Variants in KLHL13 observed in about 807,000 individuals in gnomAD.
KLHL13 encodes kelch like family member 13, also known as kelch-like protein 13.
Under a neutral mutation model 37.1 loss-of-function variants are expected in KLHL13, and 10 were observed. That is an observed-to-expected ratio of 0.27 (90% CI 0.17 to 0.46). The LOEUF is 0.46. KLHL13 is among the 20% of genes least tolerant of loss of function. The pLI, the probability that KLHL13 is intolerant of heterozygous loss-of-function variation, is 1.00. For synonymous variants in KLHL13, 163 were observed against 181.2 expected (o/e 0.90, Z 0.81); for missense variants, 360 against 509.3 (o/e 0.71, Z 2.82).
At chrX:117,916,851 A>T (rs950406753) in intron 4 of KLHL13, among the ~76,000 whole-genome samples, 2 of 112,196 alleles carry the variant, frequency 1.8e-5, no homozygotes, top group South Asian at 7.4e-4. Flanking sequence ...CCTCTAAAAC[A>T]TCTTATTTCA....
chrX:117,941,709 T>C (rs980909059), intron 2 of KLHL13, among the ~76,000 whole-genome samples: 2 of 111,558 alleles, frequency 1.8e-5, no homozygotes, highest in African/African-American at 6.5e-5. Context: ...ATTGTGTCTA[T>C]TTGATTCTTC....
chrX:117,954,765 T>TA (rs1933817739), intron 1 of KLHL13, among the ~76,000 whole-genome samples: 1 of 112,166 alleles, frequency 8.9e-6, no homozygotes, highest in South Asian at 3.7e-4. Flanking sequence ...GTTACAATCC[T>TA]CTGGTGAAGC....
intron 1 of KLHL13, among the ~76,000 whole-genome samples, chrX:117,966,213 C>T (rs1174437433): frequency 8.9e-6 from 1 of 112,116 alleles, no homozygotes; most frequent in Non-Finnish European, 1.9e-5. Context: ...TCAGCAAAGT[C>T]TCAGGATACA....
intron 1 of KLHL13, among the ~76,000 whole-genome samples, chrX:117,979,548 A>T (rs1322255629): frequency 3.6e-5 from 4 of 111,620 alleles, no homozygotes; most frequent in Non-Finnish European, 7.5e-5. Context: ...TGTTGAGTAA[A>T]TTGAAAGGGA....
intron 1 of KLHL13, among the ~76,000 whole-genome samples, chrX:118,037,686 TATACATATGTAACTAACCTGC>T (rs1355283369): frequency 9.0e-6 from 1 of 111,227 alleles, no homozygotes; most frequent in Non-Finnish European, 1.9e-5. Context: ...ATGGCACATG[TATACATATGTAACTAACCTGC>T]ACATTGTGCA....
At chrX:117,972,870 A>G in exon 1 of KLHL13, 1 of 1,200,118 alleles carries the variant, frequency 8.3e-7, no homozygotes, top group Non-Finnish European at 1.1e-6. Context: ...GAGCGTTTCC[A>G]TAACAGACTA....
intron 1 of KLHL13, among the ~76,000 whole-genome samples, chrX:118,022,373 T>A (rs1050233195): frequency 8.9e-6 from 1 of 111,898 alleles, no homozygotes; most frequent in African/African-American, 3.2e-5. Context: ...GATTACTGGG[T>A]CATATGGTAG....
intron 1 of KLHL13, among the ~76,000 whole-genome samples, chrX:117,950,484 A>G (rs1452364982): frequency 2.7e-5 from 3 of 111,974 alleles, no homozygotes; most frequent in African/African-American, 9.7e-5. Flanking sequence ...GGAAAAGAAA[A>G]AAAAGAAAGT....
At chrX:117,962,313 G>GTT (rs373524431) in intron 1 of KLHL13, among the ~76,000 whole-genome samples, 13 of 104,005 alleles carry the variant, frequency 1.2e-4, no homozygotes, top group South Asian at 4.2e-4. Flanking sequence ...AGAGGTTTGG[G>GTT]TTTTTTTTTT....
At chrX:117,963,271 T>C (rs1231921038) in intron 1 of KLHL13, among the ~76,000 whole-genome samples, 1 of 111,418 alleles carries the variant, frequency 9.0e-6, no homozygotes, top group South Asian at 3.8e-4. Context: ...GAAAAATATT[T>C]TAGTATAATT....
At chrX:117,931,978 C>T (rs112869148) in intron 2 of KLHL13, among the ~76,000 whole-genome samples, 11,385 of 110,719 alleles carry the variant, frequency 0.1, 594 homozygotes, top group African/African-American at 0.2. Context: ...AGACACTGAG[C>T]ACTTTCTCTA....
intron 1 of KLHL13, among the ~76,000 whole-genome samples, chrX:118,080,025 C>T (rs2428311): frequency 0.26 from 28,818 of 110,694 alleles, 6,245 homozygotes; most frequent in African/African-American, 0.73. Flanking sequence ...ATACAAGCAA[C>T]GGGATAAGGA....
At chrX:117,914,984 G>A (rs1486041669) in intron 4 of KLHL13, among the ~76,000 whole-genome samples, 1 of 111,622 alleles carries the variant, frequency 9.0e-6, no homozygotes, top group Non-Finnish European at 1.9e-5. Flanking sequence ...CAGAATGGAT[G>A]GCCGACCATA....
chrX:118,097,774 G>T (rs764000424), intron 1 of KLHL13, among the ~76,000 whole-genome samples: 2 of 111,092 alleles, frequency 1.8e-5, no homozygotes, highest in East Asian at 2.8e-4. Flanking sequence ...AAATAACGCC[G>T]CATATCTACA....
At chrX:118,050,484 C>G (rs2054602296) in intron 1 of KLHL13, among the ~76,000 whole-genome samples, 2 of 111,635 alleles carry the variant, frequency 1.8e-5, no homozygotes, top group Admixed American at 1.9e-4. Context: ...CATAATGTTA[C>G]AATTCTTACT....
chrX:118,000,296 T>G (rs2053904846), intron 1 of KLHL13, among the ~76,000 whole-genome samples: 1 of 112,184 alleles, frequency 8.9e-6, no homozygotes, highest in South Asian at 3.8e-4. Context: ...GGATTCAGGC[T>G]GCAACCTTCT....
In KLHL13 at chrX:118,094,803, G is replaced by A. The variant is rs1455070214; in HGVS notation, c.-56+21705C>T. On this transcript the variant is annotated intron_variant, in intron 1 of 6. Transcript: ENST00000371882. ...TCCAGCCAAACTAAGCTTCATAAGT[G>A]AAGGAGAAATAAAATACTTTACAGA... Among the ~76,000 whole-genome samples the A allele has an allele frequency of 7.2e-5, 8 of 111,064 alleles. No individual in the cohort carries two copies. In the Admixed American group the frequency reaches 7.7e-4, roughly 11 times the overall value.
intron 1 of KLHL13, among the ~76,000 whole-genome samples, chrX:118,031,506 T>C (rs967249439): frequency 6.0e-5 from 5 of 83,137 alleles, no homozygotes; most frequent in Non-Finnish European, 1.1e-4. Context: ...GATATATATA[T>C]ATACACACAC....
chrX:118,081,496 G>A (rs1408843291), intron 1 of KLHL13, among the ~76,000 whole-genome samples: 1 of 110,994 alleles, frequency 9.0e-6, no homozygotes, highest in Non-Finnish European at 1.9e-5. Flanking sequence ...TATTTTTGGG[G>A]TGCACATAAT....
Sources: allele counts gnomAD v4.1 joint callset (sites outside exome capture counted in the v4.1 genomes callset), GRCh38; gene constraint gnomAD v4.1.1; transcripts MANE v1.5; gene names NCBI Gene and HGNC (gene_info 2026-07-23, HGNC 2026-07-21).